The following APOOL variants were observed in gnomAD, a reference collection of about 807,000 sequenced individuals.
The protein encoded by APOOL is apolipoprotein O like.
APOOL carries 12 observed loss-of-function variants against 23.1 expected under a neutral mutation model. The observed-to-expected ratio is 0.52, with a 90% confidence interval of 0.33 to 0.84. The LOEUF (loss-of-function observed/expected upper bound fraction) is 0.84. Among genes scored for constraint, APOOL ranks in the 40% least tolerant of loss-of-function variants. The probability of loss-of-function intolerance (pLI) is 0.02; values close to 1 mark genes in which losing one functional copy is unlikely to be tolerated. For missense variants in APOOL, 212 were observed against 199.6 expected (o/e 1.06, Z -0.37); for synonymous variants, 77 against 69.9 (o/e 1.10, Z -0.51).
At chrX:85,060,863 A>G (rs759111072) in intron 5 of APOOL, among the ~76,000 whole-genome samples, 12 of 110,991 alleles carry the variant, frequency 1.1e-4, no homozygotes, top group African/African-American at 2.6e-4. Flanking sequence ...CTAATTGAAT[A>G]CCCTTTATTT....
At chrX:85,046,675 G>A (rs546894522) in intron 2 of APOOL, 125 bp downstream of exon 2, 3 of 538,929 alleles carry the variant, frequency 5.6e-6, no homozygotes, top group East Asian at 3.8e-5. Context: ...GATATTAAAA[G>A]TTGAGAGAAA....
chrX:85,046,109 TG>T (rs1020845246), intron 1 of APOOL, among the ~76,000 whole-genome samples: 3 of 111,593 alleles, frequency 2.7e-5, no homozygotes, highest in Non-Finnish European at 5.7e-5. Flanking sequence ...GTTTGTGGAC[TG>T]AATGAATATC....
intron 5 of APOOL, among the ~76,000 whole-genome samples, chrX:85,060,954 G>A (rs5923244): frequency 9.1e-6 from 1 of 109,597 alleles, no homozygotes; most frequent in East Asian, 2.9e-4. Context: ...TCCCTGTCTT[G>A]TGCCAGTTTT....
At chrX:85,054,202 G>A in intron 3 of APOOL, 142 bp from the exon 4 acceptor site, 1 of 492,843 alleles carries the variant, frequency 2.0e-6, no homozygotes, top group Non-Finnish European at 3.4e-6. Flanking sequence ...AGCTGGTAGT[G>A]AATACATAGG....
chrX:85,018,149 A>C (rs1921540834), intron 1 of APOOL, among the ~76,000 whole-genome samples: 1 of 112,381 alleles, frequency 8.9e-6, no homozygotes, highest in Non-Finnish European at 1.9e-5. Flanking sequence ...GCATTAGACC[A>C]TTTTTGCATT....
chrX:85,060,454 A>G (rs985024462), intron 5 of APOOL, among the ~76,000 whole-genome samples: 2 of 106,708 alleles, frequency 1.9e-5, no homozygotes, highest in East Asian at 2.9e-4. Flanking sequence ...CATTGAATCT[A>G]TAAACTACCT....
rs1924438508 is a variant in APOOL, at chrX:85,088,345, T to TTTTTTC, written c.*667_*668insTTTTTC. On this transcript the variant is annotated 3_prime_UTR_variant, in exon 9 of 9. Transcript: ENST00000373173. ...TTTTTTTTTTTTTTTTTTTTTTTTT[T>TTTTTTC]CCCATTTCCTAGAGCTGGAATAAAA... The TTTTTTC allele has an allele frequency of 2.4e-5, 2 of 84,836 alleles. No homozygotes were observed. The highest frequency in any genetic ancestry group is 4.5e-5 in the Non-Finnish European group (2 of 44,933). 7.0% of individuals were successfully genotyped at this position (84,836 alleles called of 1,213,427 possible). A position where few individuals can be genotyped will look rare whatever the true frequency, so the allele number is the denominator to read the frequency against.
intron 8 of APOOL, among the ~76,000 whole-genome samples, chrX:85,080,116 T>C (rs1240247091): frequency 8.9e-6 from 1 of 111,832 alleles, no homozygotes; most frequent in Non-Finnish European, 1.9e-5. Flanking sequence ...TCTTAGTTAT[T>C]TCTTGCCTTC....
At chrX:85,067,828 G>A (rs932363151) in intron 6 of APOOL, among the ~76,000 whole-genome samples, 1 of 111,049 alleles carries the variant, frequency 9.0e-6, no homozygotes, top group Admixed American at 9.6e-5. Context: ...ATGTTCAGAT[G>A]GAGAAGGAAA....
intron 5 of APOOL, among the ~76,000 whole-genome samples, chrX:85,065,240 C>T (rs189362430): frequency 1.5e-4 from 17 of 111,351 alleles, no homozygotes; most frequent in East Asian, 5.6e-4. Flanking sequence ...GGTAAATTTT[C>T]CTCCATCCCT....
At chrX:85,081,082 G>T (rs1006538535) in intron 8 of APOOL, among the ~76,000 whole-genome samples, 2 of 111,521 alleles carry the variant, frequency 1.8e-5, no homozygotes, top group Non-Finnish European at 3.8e-5. Context: ...GGGGCATTTA[G>T]CCCATTTACA....
At chrX:85,060,385 T>C (rs1602776993) in intron 5 of APOOL, among the ~76,000 whole-genome samples, 1 of 107,351 alleles carries the variant, frequency 9.3e-6, no homozygotes, top group Non-Finnish European at 1.9e-5. Context: ...CCATATGAAC[T>C]TTAAAGTAGT....
At chrX:85,045,375 G>T (rs961659362) in intron 1 of APOOL, among the ~76,000 whole-genome samples, 4 of 111,957 alleles carry the variant, frequency 3.6e-5, no homozygotes, top group Non-Finnish European at 7.5e-5. Flanking sequence ...ATTGATGCCT[G>T]AGTAGCTTCC....
chrX:85,082,387 C>G (rs1269653896), intron 8 of APOOL, among the ~76,000 whole-genome samples: 2 of 110,887 alleles, frequency 1.8e-5, no homozygotes, highest in Non-Finnish European at 3.8e-5. Flanking sequence ...TAAAGGTCCA[C>G]TCCAGACCGT....
At chrX:85,054,061 T>C (rs1254009597) in intron 3 of APOOL, among the ~76,000 whole-genome samples, 1 of 111,856 alleles carries the variant, frequency 8.9e-6, no homozygotes, top group Admixed American at 9.6e-5. Context: ...CATTATAAAA[T>C]AAGATGATAA....
In APOOL at chrX:85,088,048, AT is replaced by A. The variant is rs1242742712; in HGVS notation, c.*373del. ...CATATTTATACATGTATAAATACGT[AT>A]TTATACATATATGTATAAATACATA... On this transcript the variant is annotated 3_prime_UTR_variant, in exon 9 of 9. Transcript: ENST00000373173. The A allele has an allele frequency of 3.4e-5, 3 of 89,226 alleles. No individual in the cohort carries two copies. The highest frequency in any genetic ancestry group is 3.5e-4 in the East Asian group (1 of 2,839). 7.4% of individuals were successfully genotyped at this position (89,226 alleles called of 1,213,427 possible). A position where few individuals can be genotyped will look rare whatever the true frequency, so the allele number is the denominator to read the frequency against.
chrX:85,075,427 A>T (rs958290413), intron 8 of APOOL, among the ~76,000 whole-genome samples: 1 of 111,139 alleles, frequency 9.0e-6, no homozygotes, highest in Non-Finnish European at 1.9e-5. Context: ...TTGTCTATAG[A>T]TTATCTAATT....
chrX:85,038,756 G>A (rs1427936471), intron 1 of APOOL, among the ~76,000 whole-genome samples: 2 of 108,847 alleles, frequency 1.8e-5, no homozygotes, highest in Non-Finnish European at 3.8e-5. Context: ...TGGTGGTAAT[G>A]TTCCATTTGT....
At chrX:85,061,551 A>G (rs765015568) in intron 5 of APOOL, among the ~76,000 whole-genome samples, 7 of 112,166 alleles carry the variant, frequency 6.2e-5, no homozygotes, top group African/African-American at 2.3e-4. Context: ...TATTGCCTCA[A>G]TTTCAGAGCC....
Sources: allele counts gnomAD v4.1 joint callset (sites outside exome capture counted in the v4.1 genomes callset), GRCh38; gene constraint gnomAD v4.1.1; transcripts MANE v1.5; gene names NCBI Gene and HGNC (gene_info 2026-07-23, HGNC 2026-07-21).